KNDC1: variants seen among roughly 807,000 people sequenced by gnomAD.
KNDC1 encodes the protein kinase non-catalytic C-lobe domain-containing protein 1.
Under a neutral mutation model 172.8 loss-of-function variants are expected in KNDC1, and 106 were observed. The ratio of observed to expected loss-of-function variants is 0.61; its 90% CI spans 0.52 to 0.72. The LOEUF is 0.72. KNDC1 is among the 30% of genes least tolerant of loss of function. The pLI, the probability that KNDC1 is intolerant of heterozygous loss-of-function variation, is 0.00. For synonymous variants in KNDC1, 1,083 were observed against 1,062.2 expected (o/e 1.02, Z -0.38); for missense variants, 2,325 against 2,394.5 (o/e 0.97, Z 0.61).
At chr10:133,177,977 TG>T (rs1853599790) in intron 3 of KNDC1, among the ~76,000 whole-genome samples, 1 of 149,830 alleles carries the variant, frequency 6.7e-6, no homozygotes, top group Non-Finnish European at 1.5e-5. Flanking sequence ...GTAGCGTGCA[TG>T]TGTGTGCAGT....
At chr10:133,194,509 CTATG>C (rs1338672074) in intron 9 of KNDC1, among the ~76,000 whole-genome samples, 1 of 152,200 alleles carries the variant, frequency 6.6e-6, no homozygotes, top group Admixed American at 6.5e-5. Flanking sequence ...TTTATTAAAA[CTATG>C]TACAATTATC....
intron 5 of KNDC1, among the ~76,000 whole-genome samples, chr10:133,185,465 A>AGAGTAGGCACTGTGTGCAGTGTG (rs1554914035): frequency 0.031 from 1,331 of 43,264 alleles, 160 homozygotes; most frequent in South Asian, 0.069. Context: ...TGTGCAGTGT[A>AGAGTAGGCACTGTGTGCAGTGTG]GAGTAGGCAG....
Position 133,201,832 on chromosome 10 carries a change from C to G in KNDC1, c.3321C>G (p.Val1107=). 1 of 1,490,606 alleles carries G rather than the reference C, an allele frequency of 6.7e-7. No individual in the cohort carries two copies. Among genetic ancestry groups the G allele is most frequent in the Non-Finnish European group, 8.9e-7 (1 of 1,122,142 alleles). 92.3% of individuals were successfully genotyped at this position (1,490,606 alleles called of 1,614,324 possible). ...FYEADCFGAD[V]HNYVKDLGRQ... ...AGGCCGACTGCTTCGGGGCCGACGT[C>G]CACAACTACGTGAAGGACCTGGGGC... is the stretch of plus-strand genomic sequence containing the variant. Residue 1107 remains valine (V), a synonymous_variant, in exon 17 of 30, where the codon GTC becomes GTG. Coordinates refer to ENST00000304613, the MANE Select transcript of KNDC1 (RefSeq NM_152643.8).
chr10:133,198,226 G>A, intron 12 of KNDC1, 111 bp from the exon 13 acceptor site: 1 of 1,274,496 alleles, frequency 7.8e-7, no homozygotes, highest in Non-Finnish European at 1.1e-6. Context: ...TGCGGGAGGG[G>A]ACGCGGCACC....
In KNDC1 at chr10:133,211,816, C is replaced by T. The variant is rs145918331; in HGVS notation, c.4194C>T (p.Asn1398=). ...REAEEDARPF[N]ALCKRLSEDG... is the part of the protein sequence containing the mutation. Reference sequence around the variant, plus strand: ...CCGAGGAGGATGCCAGACCCTTCAACGCCCTCTGTAAGAGGCTCTCAGAGG... The same window carrying T: ...CCGAGGAGGATGCCAGACCCTTCAATGCCCTCTGTAAGAGGCTCTCAGAGG... The change falls in exon 23 of 30, where the codon AAC becomes AAT. Residue 1398 remains asparagine (N), a synonymous_variant. Coordinates refer to ENST00000304613, the MANE Select transcript of KNDC1 (RefSeq NM_152643.8). 3.4e-5 allele frequency: 54 copies of T among 1,609,572 alleles called. No individual in the cohort carries two copies. Among genetic ancestry groups the T allele is most frequent in the Admixed American group, 6.8e-5 (4 of 58,586 alleles).
chr10:133,224,436 G>C lies in KNDC1; in HGVS notation c.5019-223G>C, dbSNP rs1037566590. ...CTGAGCCTGCAGGGTTTCCATAAGC[G>C]TGTGTGGACTGAAATGTGGATGGAT... On this transcript the variant is annotated intron_variant, in intron 29 of 29. Transcript: ENST00000304613. The surrounding 1 kb of genome is among the most constrained non-coding windows in gnomAD (Gnocchi z 5.4). 6.6e-6 allele frequency among the ~76,000 whole-genome samples: 1 copy of C among 152,146 alleles called. No individual in the cohort carries two copies. The highest frequency in any genetic ancestry group is 1.5e-5 in the Non-Finnish European group (1 of 68,030).
chr10:133,184,091 C>G, intron 5 of KNDC1, 102 bp downstream of exon 5: 1 of 623,152 alleles, frequency 1.6e-6, no homozygotes, highest in Non-Finnish European at 2.8e-6. Flanking sequence ...CACACACACA[C>G]ACTGCACACA....
rs747573027 is a variant in KNDC1 at position 133,206,699 on chromosome 10, G to C, written c.3402G>C (p.Gln1134His). ...TTCGTCCCCAGGAGCTGGAACAGCAGCTCATGATGGAGAAAAGAAACTACC... is the reference window on the plus strand; with the variant it reads ...TTCGTCCCCAGGAGCTGGAACAGCACCTCATGATGGAGAAAAGAAACTACC... ...PDAQSPELEQ[Q>H]LMMEKRNYRK... Residue 1134 changes from glutamine (Q) to histidine (H), a missense_variant, in exon 18 of 30, where the codon CAG (glutamine) becomes CAC (histidine). Physicochemically the swap from Gln to His is conservative, Grantham distance 24. Transcript: ENST00000304613. 6.2e-7 allele frequency: 1 copy of C among 1,613,948 alleles called. No individual in the cohort carries two copies. Among genetic ancestry groups the C allele is most frequent in the South Asian group, 1.1e-5 (1 of 91,084 alleles).
intron 29 of KNDC1, among the ~76,000 whole-genome samples, chr10:133,223,999 G>A (rs561648863): frequency 2.7e-5 from 4 of 145,646 alleles, no homozygotes; most frequent in East Asian, 4.1e-4. Context: ...GTGTGTGAGA[G>A]AGCCCATCCA....
At chr10:133,214,435 G>C (rs1038736665) in intron 26 of KNDC1, among the ~76,000 whole-genome samples, 2 of 152,188 alleles carry the variant, frequency 1.3e-5, no homozygotes, top group African/African-American at 4.8e-5. Context: ...CCCCTCAGTG[G>C]TGGGTGATCC....
At chr10:133,185,807 G>A (rs1853881572) in intron 5 of KNDC1, among the ~76,000 whole-genome samples, 167 bp from the exon 6 acceptor site, 1 of 116,196 alleles carries the variant, frequency 8.6e-6, no homozygotes, top group Non-Finnish European at 1.9e-5. Context: ...GTGAGAGCCT[G>A]GGTTGGGGTC....
At chr10:133,219,248 C>T (rs1038613973) in intron 28 of KNDC1, among the ~76,000 whole-genome samples, 158 bp downstream of exon 28, 1 of 152,264 alleles carries the variant, frequency 6.6e-6, no homozygotes, top group South Asian at 2.1e-4. Flanking sequence ...AGTCATCTCC[C>T]GGCAGGGCCT....
At chr10:133,189,929 C>T (rs1270427323) in intron 9 of KNDC1, 116 bp downstream of exon 9, 12 of 909,714 alleles carry the variant, frequency 1.3e-5, no homozygotes, top group Non-Finnish European at 1.9e-5. Flanking sequence ...GCAGCCCTTC[C>T]TGGCCAGGCG....
chr10:133,206,071 A>G (rs535688484), intron 17 of KNDC1, among the ~76,000 whole-genome samples: 106 of 152,062 alleles, frequency 7.0e-4, no homozygotes, highest in African/African-American at 2.2e-3. Flanking sequence ...ATGGTGGTGC[A>G]TGCCTGTAAT....
chr10:133,185,647 G>T (rs140677443), intron 5 of KNDC1, among the ~76,000 whole-genome samples: 1 of 151,630 alleles, frequency 6.6e-6, no homozygotes, highest in South Asian at 2.1e-4. Flanking sequence ...GGAAAACGAC[G>T]TGCCTTTGGA....
rs575219719 is a variant in KNDC1 at position 133,188,520 on chromosome 10, G to A, written c.1327-19G>A. ...GGCAAGGGGTGTCCACACTGACCTC[G>A]CCGCTCTCCTGCCCACAGTGGGTGT... On this transcript the variant is annotated intron_variant, in intron 6 of 29. Coordinates refer to ENST00000304613, the MANE Select transcript of KNDC1 (RefSeq NM_152643.8). The A allele has an allele frequency of 2.7e-5, 41 of 1,508,038 alleles. 1 individual carries two copies. The South Asian group carries it at 4.0e-4, about 15-fold the overall frequency. The allele number at this position is 1,508,038 out of a possible 1,614,324, so 93.4% of individuals were successfully genotyped here. A position where few individuals can be genotyped will look rare whatever the true frequency, so the allele number is the denominator to read the frequency against.
Position 133,189,913 on chromosome 10 carries a change from G to A in KNDC1, c.1575+100G>A, listed in dbSNP as rs1209992655. Reference sequence around the variant, plus strand: ...CAGCCCCCCATCAGGACTCGAGGGAGTCAGGGCAGCCCTTCCTGGCCAGGC... The same window carrying A: ...CAGCCCCCCATCAGGACTCGAGGGAATCAGGGCAGCCCTTCCTGGCCAGGC... On this transcript the variant is annotated intron_variant, in intron 9 of 29. Transcript: ENST00000304613. 19 of 1,035,762 alleles carry A rather than the reference G, an allele frequency of 1.8e-5. No individual in the cohort carries two copies. In the East Asian group the frequency reaches 4.1e-4, roughly 22 times the overall value. 64.2% of individuals were successfully genotyped at this position (1,035,762 alleles called of 1,614,324 possible).
chr10:133,168,432 C>G, intron 3 of KNDC1, 120 bp downstream of exon 3: 2 of 1,054,656 alleles, frequency 1.9e-6, no homozygotes, highest in South Asian at 2.6e-5. Flanking sequence ...TGGCCGGGAG[C>G]GGAGCCGCTG....
chr10:133,193,085 T>C (rs1040139951), intron 9 of KNDC1, among the ~76,000 whole-genome samples: 8 of 136,160 alleles, frequency 5.9e-5, no homozygotes, highest in African/African-American at 2.0e-4. Flanking sequence ...AACAGCAGCT[T>C]ACATATATAC....
Sources: gnomAD v4.1 joint callset for allele counts (sites outside exome capture counted in the v4.1 genomes callset) on GRCh38, gnomAD v4.1.1 for gene constraint, Gnocchi (gnomAD v3.1) non-coding constraint, MANE v1.5 for transcripts, NCBI Gene and HGNC (gene_info 2026-07-23, HGNC 2026-07-21) for gene names.